Variants in NFRKB observed in about 807,000 individuals in gnomAD.
The protein encoded by NFRKB is nuclear factor related to kappaB binding protein, also known as nuclear factor related to kappa-B-binding protein.
A neutral mutation model predicts 135.7 loss-of-function variants in NFRKB; 62 were observed. The observed-to-expected ratio is 0.46, with a 90% CI of 0.37 to 0.56. The LOEUF (loss-of-function observed/expected upper bound fraction) is 0.56, where lower values mean the gene tolerates loss of function less well. Among genes scored for constraint, NFRKB ranks in the 20% least tolerant of loss-of-function variants. The pLI is 0.00. For synonymous variants in NFRKB, 678 were observed against 635.6 expected (o/e 1.07, Z -1.00); for missense variants, 1,545 against 1,662.0 (o/e 0.93, Z 1.22).
intron 4 of NFRKB, among the ~76,000 whole-genome samples, chr11:129,887,204 G>A (rs1783916): frequency 0.18 from 26,940 of 152,062 alleles, 2,651 homozygotes; most frequent in African/African-American, 0.27. Flanking sequence ...AAAGCATTTT[G>A]CAACCCCCAA....
In NFRKB at chr11:129,885,500, T is replaced by C. The variant is rs764390892; in HGVS notation, c.575A>G (p.Tyr192Cys). 8 of 1,614,002 alleles carry C rather than the reference T, an allele frequency of 5.0e-6. No individual in the cohort carries two copies. Among genetic ancestry groups the C allele is most frequent in the Non-Finnish European group, 5.9e-6 (7 of 1,179,972 alleles). The change falls in exon 6 of 27, where the codon TAC becomes TGC. Residue 192 changes from tyrosine (Y) to cysteine (C), a missense_variant. This residue lies in a region of NFRKB where 678 missense variants were observed against 646.7 expected (regional missense o/e 1.05). Coordinates refer to ENST00000682444, the MANE Select transcript of NFRKB (RefSeq NM_001143835.2). ...EEREWRTQQR[Y>C]LKVLREVKEE... Reference sequence around the variant, plus strand: ...TTTCACTTCCCTTAAGACCTTCAAGTAGCGCTGCTGGGTCCGCCACTCCCG... The same window carrying C: ...TTTCACTTCCCTTAAGACCTTCAAGCAGCGCTGCTGGGTCCGCCACTCCCG...
chr11:129,870,353 GT>G, intron 23 of NFRKB, 92 bp from the exon 24 acceptor site: 5 of 1,397,142 alleles, frequency 3.6e-6, no homozygotes, highest in Non-Finnish European at 3.9e-6. Context: ...ATGGGTAGAT[GT>G]TTTGTATTTT....
intron 24 of NFRKB, among the ~76,000 whole-genome samples, chr11:129,868,105 C>G (rs1157386669): frequency 6.6e-6 from 1 of 151,726 alleles, no homozygotes; most frequent in African/African-American, 2.4e-5. Context: ...GCTGATAGAT[C>G]TAATTAGATA....
chr11:129,888,978 A>G (rs1275726612), intron 3 of NFRKB, among the ~76,000 whole-genome samples, 183 bp from the exon 4 acceptor site: 1 of 143,844 alleles, frequency 7.0e-6, no homozygotes, highest in African/African-American at 2.5e-5. Context: ...AATTTTTTAC[A>G]TTTTTTTTTT....
At chr11:129,872,307 G>A (rs1413487887) in intron 23 of NFRKB, among the ~76,000 whole-genome samples, 2 of 151,874 alleles carry the variant, frequency 1.3e-5, no homozygotes, top group African/African-American at 4.8e-5. Flanking sequence ...CTGGCTTAAT[G>A]TTTGTTGAAC....
At chr11:129,894,265 C>A (rs995935825) in intron 2 of NFRKB, 94 bp downstream of exon 2, 15 of 152,270 alleles carry the variant, frequency 9.9e-5, no homozygotes, top group African/African-American at 3.6e-4. Flanking sequence ...GGCTAAAAAG[C>A]ATACTAAAAT....
rs1949157908 is a variant in NFRKB, at chr11:129,884,094, GT to G, written c.791del (p.His264ProfsTer15). On this transcript the variant is annotated frameshift_variant, in exon 8 of 27. Transcript: ENST00000682444. LOFTEE classifies it high-confidence loss of function. ...DSDLKIMLKK[H>X]HEKRKHQPDH... ...CTGGCTGATGTTTCCGCTTCTCGTG[GT>G]GCTTCTTTAACATTATCTTCAGGTC... is the stretch of plus-strand genomic sequence containing the variant. The G allele has an allele frequency of 6.2e-7, 1 of 1,614,088 alleles. No homozygotes were observed. Among genetic ancestry groups the G allele is most frequent in the Non-Finnish European group, 8.5e-7 (1 of 1,180,052 alleles).
intron 3 of NFRKB, among the ~76,000 whole-genome samples, chr11:129,890,828 C>T (rs1315741298): frequency 6.6e-6 from 1 of 152,138 alleles, no homozygotes; most frequent in Non-Finnish European, 1.5e-5. Flanking sequence ...TAGAGGGTTA[C>T]CTTATGGATA....
At chr11:129,881,982 A>G in intron 11 of NFRKB, 104 bp downstream of exon 11, 1 of 1,457,880 alleles carries the variant, frequency 6.9e-7, no homozygotes, top group Non-Finnish European at 9.2e-7. Flanking sequence ...TTAACTACAG[A>G]GCGTTGAGAG....
chr11:129,893,204 C>T, intron 2 of NFRKB: 4 of 633,948 alleles, frequency 6.3e-6, no homozygotes, highest in Non-Finnish European at 9.6e-6. Context: ...CTTCCCAGAC[C>T]AATAATCACT....
chr11:129,891,783 GGAAT>G (rs1424278452), intron 3 of NFRKB, among the ~76,000 whole-genome samples: 1 of 152,106 alleles, frequency 6.6e-6, no homozygotes, highest in Non-Finnish European at 1.5e-5. Flanking sequence ...TAAATATCAG[GGAAT>G]GAAAGTGTCT....
chr11:129,892,932 A>T (rs1166019956), intron 2 of NFRKB, 62 bp from the exon 3 acceptor site: 3 of 1,608,228 alleles, frequency 1.9e-6, no homozygotes, highest in Non-Finnish European at 2.5e-6. Flanking sequence ...AGTTGATGCT[A>T]ACACTCCTCC....
At chr11:129,883,975 C>G in intron 8 of NFRKB, 95 bp downstream of exon 8, 1 of 1,270,292 alleles carries the variant, frequency 7.9e-7, no homozygotes, top group Admixed American at 1.7e-5. Flanking sequence ...GGAGGACATA[C>G]AGACGAGGCA....
At chr11:129,892,042 CTTTT>C (rs148860141) in intron 3 of NFRKB, among the ~76,000 whole-genome samples, 1 of 149,784 alleles carries the variant, frequency 6.7e-6, no homozygotes, top group African/African-American at 2.5e-5. Flanking sequence ...TAATTTCTTC[CTTTT>C]TTTTTTCTAT....
rs1258452486 is a variant in NFRKB at position 129,882,689 on chromosome 11, G to A, written c.902-58C>T. ...TGTATCTCCTACACAGGGAAGTGAG[G>A]GGTCTTATCTGCATATTCTTTTCCC... On this transcript the variant is annotated intron_variant, in intron 9 of 26. Transcript: ENST00000682444. 2.6e-6 allele frequency: 4 copies of A among 1,525,626 alleles called. No individual in the cohort carries two copies. In the African/African-American group the frequency reaches 4.2e-5, roughly 16 times the overall value. 94.5% of individuals were successfully genotyped at this position (1,525,626 alleles called of 1,614,324 possible).
At chr11:129,887,230 A>G (rs1949321899) in intron 4 of NFRKB, among the ~76,000 whole-genome samples, 1 of 152,240 alleles carries the variant, frequency 6.6e-6, no homozygotes, top group African/African-American at 2.4e-5. Context: ...TAACTGATGC[A>G]GTTGAGAATC....
At chr11:129,866,843 CCA>C (rs552796280) in intron 24 of NFRKB, among the ~76,000 whole-genome samples, 61 of 152,244 alleles carry the variant, frequency 4.0e-4, no homozygotes, top group African/African-American at 1.4e-3. Flanking sequence ...CATCAGCATT[CCA>C]CAGAGGCAGG....
intron 6 of NFRKB, 91 bp downstream of exon 6, chr11:129,885,344 G>C (rs956162420): frequency 1.4e-6 from 2 of 1,407,218 alleles, no homozygotes; most frequent in African/African-American, 1.4e-5. Flanking sequence ...TTCTTTGCTG[G>C]GGAGATAAAT....
chr11:129,881,543 G>C (rs751375632), intron 12 of NFRKB, 35 bp from the exon 13 acceptor site: 1 of 1,612,810 alleles, frequency 6.2e-7, no homozygotes, highest in East Asian at 2.2e-5. Context: ...AAACCATACA[G>C]GTGCGTCCCT....
Sources: allele counts gnomAD v4.1 joint callset (sites outside exome capture counted in the v4.1 genomes callset), GRCh38; gene constraint gnomAD v4.1.1; regional missense constraint gnomAD v4.1.1; transcripts MANE v1.5; gene names NCBI Gene and HGNC (gene_info 2026-07-23, HGNC 2026-07-21).